Variants in ACVR1B observed in about 807,000 individuals in gnomAD.
ACVR1B encodes activin receptor type-1B.
A neutral mutation model predicts 55.6 loss-of-function variants in ACVR1B; 15 were observed. That is an observed-to-expected ratio of 0.27 (90% CI 0.18 to 0.42). The LOEUF is 0.42. ACVR1B is among the 10% of genes least tolerant of loss of function. The pLI is 1.00. For synonymous variants in ACVR1B, 247 were observed against 254.6 expected (o/e 0.97, Z 0.28); for missense variants, 359 against 670.1 (o/e 0.54, Z 5.13).
chr12:51,962,040 G>A (rs1941540461), intron 1 of ACVR1B, among the ~76,000 whole-genome samples: 1 of 152,202 alleles, frequency 6.6e-6, no homozygotes, highest in African/African-American at 2.4e-5. Context: ...CGTCTCTTCT[G>A]AGTGAGAACA....
rs199535385 is a variant in ACVR1B, at chr12:51,981,060, C to T, written c.672C>T (p.Gly224=). The T allele has an allele frequency of 6.3e-7, 1 of 1,575,290 alleles. No homozygotes were observed. The highest frequency in any genetic ancestry group is 8.6e-7 in the Non-Finnish European group (1 of 1,159,800). The change falls in exon 4 of 9, where the codon GGC becomes GGT. Residue 224 remains glycine (G), a synonymous_variant. Coordinates refer to ENST00000257963, the MANE Select transcript of ACVR1B (RefSeq NM_004302.5). ...GTCGGTTTGGGGAAGTATGGCGGGG[C>T]CGCTGGAGGGGTGGTGATGTGGCTG... ...GKGRFGEVWR[G]RWRGGDVAVK... is the part of the protein sequence containing the mutation.
chr12:51,984,258 G>A, intron 5 of ACVR1B, 92 bp downstream of exon 5: 1 of 1,455,268 alleles, frequency 6.9e-7, no homozygotes, highest in Non-Finnish European at 9.3e-7. Flanking sequence ...TTTTACTGAG[G>A]AAGTTGGGGC....
intron 1 of ACVR1B, chr12:51,953,369 G>A (rs1941347673): frequency 1.0e-6 from 1 of 985,422 alleles, no homozygotes; most frequent in Non-Finnish European, 1.2e-6. Flanking sequence ...CGGGGTCTTT[G>A]TTCACGGGCT....
chr12:51,969,059 C>T (rs1254948873), intron 1 of ACVR1B, among the ~76,000 whole-genome samples: 3 of 152,172 alleles, frequency 2.0e-5, no homozygotes, highest in African/African-American at 7.2e-5. Flanking sequence ...CAAATGTAAG[C>T]GTGAGTAAGC....
At chr12:51,986,612 G>A (rs1347349519) in intron 6 of ACVR1B, among the ~76,000 whole-genome samples, 2 of 152,186 alleles carry the variant, frequency 1.3e-5, no homozygotes, top group Non-Finnish European at 1.5e-5. Context: ...GAGTAGCCTG[G>A]TATTGCCAAA....
chr12:51,974,522 T>TGC (rs1015247030), intron 1 of ACVR1B, among the ~76,000 whole-genome samples: 6 of 144,970 alleles, frequency 4.1e-5, no homozygotes, highest in Non-Finnish European at 6.1e-5. Context: ...TGTGTGTGTG[T>TGC]GCGCGCGCAC....
chr12:51,986,531 A>T (rs1942079483), intron 6 of ACVR1B, among the ~76,000 whole-genome samples: 1 of 152,234 alleles, frequency 6.6e-6, no homozygotes, highest in Non-Finnish European at 1.5e-5. Context: ...AAGTGCTGGG[A>T]TTACAGGCGT....
chr12:51,973,920 G>A (rs187085771), intron 1 of ACVR1B, among the ~76,000 whole-genome samples: 116 of 152,292 alleles, frequency 7.6e-4, no homozygotes, highest in African/African-American at 2.7e-3. Flanking sequence ...GGAGGGGTTG[G>A]GCACTGAGAT....
rs2120701598 is a variant in ACVR1B at position 51,985,251 on chromosome 12, G to A, written c.1039G>A (p.Gly347Ser). The part of the protein sequence containing the change: ...KSKNILVKKN[G>S]MCAIADLGLA... ...AAAGAACATTCTGGTGAAGAAAAAT[G>A]GCATGTGTGCCATAGCAGACCTGGG... The change falls in exon 6 of 9, where the codon GGC (glycine) becomes AGC (serine). Residue 347 changes from glycine to serine, a missense_variant. Coordinates refer to ENST00000257963, the MANE Select transcript of ACVR1B (RefSeq NM_004302.5). 1 of 1,613,948 alleles carries A rather than the reference G, an allele frequency of 6.2e-7. No homozygotes were observed. Among genetic ancestry groups the A allele is most frequent in the South Asian group, 1.1e-5 (1 of 91,026 alleles).
rs1377011652 is a variant in ACVR1B at position 51,991,907 on chromosome 12, T to C, written c.1306T>C (p.Ser436Pro). The part of the protein sequence containing the change: ...YQLPYYDLVP[S>P]DPSIEEMRKV... Reference sequence around the variant, plus strand: ...GCTGCCATATTACGACTTAGTGCCCTCTGACCCTTCCATTGAGGAAATGCG... The same window carrying C: ...GCTGCCATATTACGACTTAGTGCCCCCTGACCCTTCCATTGAGGAAATGCG... Residue 436 changes from serine (S) to proline (P), a missense_variant, in exon 8 of 9, where the codon TCT (serine) becomes CCT (proline). By Grantham distance (74) the Ser-to-Pro change is moderately conservative. Around this residue, in one of 5 missense-constraint regions of ACVR1B, gnomAD observed 119 missense variants for 340.2 expected, o/e 0.35. Transcript: ENST00000257963. The C allele has an allele frequency of 6.2e-7, 1 of 1,614,204 alleles. No individual in the cohort carries two copies. Among genetic ancestry groups the C allele is most frequent in the South Asian group, 1.1e-5 (1 of 91,086 alleles).
At chr12:51,977,042 C>T (rs1941872289) in intron 3 of ACVR1B, among the ~76,000 whole-genome samples, 1 of 152,158 alleles carries the variant, frequency 6.6e-6, no homozygotes, top group South Asian at 2.1e-4. Context: ...TTGACTTGTA[C>T]CAGTTGCCCA....
At chr12:51,953,490 G>A in intron 1 of ACVR1B, 1 of 984,940 alleles carries the variant, frequency 1.0e-6, no homozygotes, top group Non-Finnish European at 1.2e-6. Context: ...AACAGAGCTT[G>A]ACATTTGTGG....
rs1367400874 is a variant in ACVR1B, at chr12:51,995,672, G to GT, written c.*1567dup. On this transcript the variant is annotated 3_prime_UTR_variant, in exon 9 of 9. Transcript: ENST00000257963. ...TCTGTGATTACCTCTCAATCTATTT[G>GT]TTTTTAAAGAAATCCCTAAAAAAAA... 6.9e-6 allele frequency: 1 copy of GT among 144,392 alleles called. No homozygotes were observed. The highest frequency in any genetic ancestry group is 1.5e-5 in the Non-Finnish European group (1 of 66,634). The allele number at this position is 144,392 out of a possible 1,614,324, so 8.9% of individuals were successfully genotyped here.
At chr12:51,966,061 A>C (rs1233930657) in intron 1 of ACVR1B, among the ~76,000 whole-genome samples, 1 of 151,748 alleles carries the variant, frequency 6.6e-6, no homozygotes. Context: ...GGAAAATACT[A>C]CTAAAAAAAA....
rs1941855501 is a variant in ACVR1B, at chr12:51,976,363, G to C, written c.368G>C (p.Gly123Ala). The change falls in exon 3 of 9, where the codon GGC becomes GCC. Residue 123 changes from glycine (G) to alanine (A), a missense_variant. Transcript: ENST00000257963. ...GAGCCTGAGCACCCGTCCATGTGGG[G>C]CCCGGTGGAGCTGGTAGGCATCATC... ...LKEPEHPSMW[G>A]PVELVGIIAG... is the part of the protein sequence containing the mutation. 6.2e-7 allele frequency: 1 copy of C among 1,614,026 alleles called. No individual in the cohort carries two copies. Among genetic ancestry groups the C allele is most frequent in the African/African-American group, 1.3e-5 (1 of 74,920 alleles).
chr12:51,970,507 A>G (rs2120550955), intron 1 of ACVR1B, among the ~76,000 whole-genome samples: 1 of 152,342 alleles, frequency 6.6e-6, no homozygotes, highest in Non-Finnish European at 1.5e-5. Flanking sequence ...CTTATGGGAA[A>G]CAAACTGAAA....
At chr12:51,966,733 G>A (rs895249904) in intron 1 of ACVR1B, among the ~76,000 whole-genome samples, 2 of 152,172 alleles carry the variant, frequency 1.3e-5, no homozygotes, top group African/African-American at 2.4e-5. Flanking sequence ...ACAGGTGTGA[G>A]CCACCGTGCC....
Position 51,986,816 on chromosome 12 carries a change from A to G in ACVR1B, c.1137-2A>G. ...GTGACCATGTTTGTTTTGCTATTGCAGATACATGGCCCCTGAAGTACTTGA... is the reference window on the plus strand; with the variant it reads ...GTGACCATGTTTGTTTTGCTATTGCGGATACATGGCCCCTGAAGTACTTGA... On this transcript the variant is annotated splice_acceptor_variant, in intron 6 of 8. Transcript: ENST00000257963. LOFTEE classifies it high-confidence loss of function. 6.2e-7 allele frequency: 1 copy of G among 1,607,558 alleles called. No individual in the cohort carries two copies. Among genetic ancestry groups the G allele is most frequent in the African/African-American group, 1.3e-5 (1 of 74,712 alleles).
intron 1 of ACVR1B, among the ~76,000 whole-genome samples, chr12:51,962,283 C>T (rs1019947536): frequency 2.0e-5 from 3 of 152,088 alleles, no homozygotes; most frequent in Non-Finnish European, 4.4e-5. Flanking sequence ...TGTTTCTCCC[C>T]ACCCCCCACC....
Sources: allele counts gnomAD v4.1 joint callset (sites outside exome capture counted in the v4.1 genomes callset), GRCh38; gene constraint gnomAD v4.1.1; regional missense constraint gnomAD v4.1.1; transcripts MANE v1.5; gene names NCBI Gene and HGNC (gene_info 2026-07-23, HGNC 2026-07-21).